The following PSME4 variants were observed in gnomAD, a reference collection of about 807,000 sequenced individuals.
The protein encoded by PSME4 is proteasome activator complex subunit 4.
In PSME4, 89 loss-of-function variants were observed where a neutral mutation model predicts 253.9. That is an observed-to-expected ratio of 0.35 (90% confidence interval 0.30 to 0.42). PSME4 has a LOEUF of 0.42. PSME4 is among the 10% of genes least tolerant of loss of function. PSME4 has a pLI of 1.00. For synonymous variants in PSME4, 851 were observed against 759.2 expected, an observed-to-expected ratio of 1.12 and a Z score of -1.99; for missense variants, 2,014 against 2,195.2, an observed-to-expected ratio of 0.92 and a Z score of 1.65.
chr2:53,936,800 A>C lies in PSME4; in HGVS notation c.723T>G (p.Leu241=). The change falls in exon 6 of 47, where the codon CTT becomes CTG. Residue 241 remains leucine (L), a synonymous_variant. Transcript: ENST00000404125. ...FKLWFDELIG[L]WVSVQNLPQW... is the part of the protein sequence containing the mutation. ...GTGGGAGATTTTGCACTGAAACCCA[A>C]AGGCCAATTAATTCATCAAACCAAA... is the stretch of plus-strand genomic sequence containing the variant. The C allele has an allele frequency of 6.3e-7, 1 of 1,598,250 alleles. No homozygotes were observed. The highest frequency in any genetic ancestry group is 8.5e-7 in the Non-Finnish European group (1 of 1,172,772).
At chr2:53,908,709 C>T (rs1667678531) in intron 22 of PSME4, 75 bp downstream of exon 22, 19 of 1,446,948 alleles carry the variant, frequency 1.3e-5, no homozygotes, top group South Asian at 3.7e-5. Flanking sequence ...TAAGTAAACA[C>T]ATGCATGTTA....
chr2:53,898,438 T>C (rs773160144), intron 29 of PSME4, 84 bp from the exon 30 acceptor site: 1 of 1,105,530 alleles, frequency 9.0e-7, no homozygotes, highest in Non-Finnish European at 1.3e-6. Flanking sequence ...TTCTAGCCAA[T>C]TTCACCCTCC....
intron 41 of PSME4, among the ~76,000 whole-genome samples, chr2:53,884,941 T>G (rs1049919361): frequency 1.3e-5 from 2 of 152,150 alleles, no homozygotes; most frequent in East Asian, 1.9e-4. Context: ...CTATAGCAAA[T>G]CAAAAGTTTA....
At chr2:53,933,501 T>C (rs1364447038) in intron 8 of PSME4, among the ~76,000 whole-genome samples, 3 of 151,054 alleles carry the variant, frequency 2.0e-5, no homozygotes, top group African/African-American at 7.4e-5. Flanking sequence ...CACCTCAGCC[T>C]GCTGAGGAGC....
intron 3 of PSME4, among the ~76,000 whole-genome samples, chr2:53,947,299 T>C (rs1201255516): frequency 6.6e-6 from 1 of 152,162 alleles, no homozygotes; most frequent in African/African-American, 2.4e-5. Flanking sequence ...CATAATGAAA[T>C]AATGTAGACA....
chr2:53,944,320 G>A (rs1669601615), intron 3 of PSME4, among the ~76,000 whole-genome samples: 2 of 152,012 alleles, frequency 1.3e-5, no homozygotes, highest in Non-Finnish European at 2.9e-5. Context: ...CATCACACCA[G>A]GCTAATTTTT....
rs562851472 is a variant in PSME4, at chr2:53,949,036, T to C, written c.383+107A>G. On this transcript the variant is annotated intron_variant, in intron 2 of 46. Coordinates refer to ENST00000404125, the MANE Select transcript of PSME4 (RefSeq NM_014614.3). ...ATGTTTTTTGCAATCATTTTCCAAA[T>C]TGGCAATTTGAGACTTGGTCTTCTT... 2,936 of 1,362,204 alleles carry C rather than the reference T, an allele frequency of 2.2e-3. 1 individual carries two copies. Among genetic ancestry groups the C allele is most frequent in the South Asian group, 4.4e-3 (232 of 52,850 alleles). The allele number at this position is 1,362,204 out of a possible 1,614,324, so 84.4% of individuals were successfully genotyped here. A position where few individuals can be genotyped will look rare whatever the true frequency, so the allele number is the denominator to read the frequency against.
chr2:53,922,613 A>T, intron 16 of PSME4, 29 bp from the exon 17 acceptor site: 1 of 1,602,642 alleles, frequency 6.2e-7, no homozygotes, highest in Non-Finnish European at 8.5e-7. Flanking sequence ...TATTAGGGGG[A>T]AAAACCTATG....
chr2:53,899,778 A>C, intron 29 of PSME4, 103 bp downstream of exon 29: 3 of 1,377,038 alleles, frequency 2.2e-6, no homozygotes, highest in South Asian at 1.4e-5. Context: ...TGATCGTCTC[A>C]CTGTACTCCA....
Position 53,970,526 on chromosome 2 carries a change from G to T in PSME4, c.242+17C>A. 1 of 1,547,054 alleles carries T rather than the reference G, an allele frequency of 6.5e-7. No individual in the cohort carries two copies. On this transcript the variant is annotated intron_variant, in intron 1 of 46. Coordinates refer to ENST00000404125, the MANE Select transcript of PSME4 (RefSeq NM_014614.3). ...GCCTTTCCCCCCGGCCCGGCCCGCAGGCCCGGGCACACTTACGTGGAGAGT... is the reference window on the plus strand; with the variant it reads ...GCCTTTCCCCCCGGCCCGGCCCGCATGCCCGGGCACACTTACGTGGAGAGT...
intron 2 of PSME4, 149 bp from the exon 3 acceptor site, chr2:53,948,686 A>G (rs1669836023): frequency 1.7e-6 from 1 of 598,434 alleles, no homozygotes; most frequent in Non-Finnish European, 3.0e-6. Context: ...AGCAGAACAT[A>G]GTATTAAGAA....
At chr2:53,913,679 T>C (rs1438991199) in intron 20 of PSME4, among the ~76,000 whole-genome samples, 3 of 152,190 alleles carry the variant, frequency 2.0e-5, no homozygotes, top group Non-Finnish European at 4.4e-5. Context: ...ATAATAACTA[T>C]AAACACAAAT....
chr2:53,918,490 C>T (rs974014288), intron 20 of PSME4, among the ~76,000 whole-genome samples: 20 of 152,032 alleles, frequency 1.3e-4, no homozygotes, highest in East Asian at 1.9e-4. Flanking sequence ...TACAGGTATG[C>T]GCCACCACGT....
At chr2:53,884,479 C>T (rs1679548025) in intron 41 of PSME4, among the ~76,000 whole-genome samples, 1 of 151,004 alleles carries the variant, frequency 6.6e-6, no homozygotes, top group Non-Finnish European at 1.5e-5. Flanking sequence ...AAAGTGCTGG[C>T]ATTACAGGTG....
intron 1 of PSME4, among the ~76,000 whole-genome samples, chr2:53,960,836 G>A (rs1253347148): frequency 5.3e-5 from 8 of 152,160 alleles, no homozygotes; most frequent in African/African-American, 1.7e-4. Flanking sequence ...GGCCAGGCGC[G>A]GTGGCTCATA....
chr2:53,949,124 C>A lies in PSME4; in HGVS notation c.383+19G>T. ...AGAAACAAACAAACCTTAACAGAAA[C>A]CTCTGGAAAAAGACTTACTTTAACA... On this transcript the variant is annotated intron_variant, in intron 2 of 46. Coordinates refer to ENST00000404125, the MANE Select transcript of PSME4 (RefSeq NM_014614.3). 6.4e-7 allele frequency: 1 copy of A among 1,571,376 alleles called. No individual in the cohort carries two copies. Among genetic ancestry groups the A allele is most frequent in the Admixed American group, 1.8e-5 (1 of 55,390 alleles).
intron 12 of PSME4, 49 bp downstream of exon 12, chr2:53,927,345 A>G (rs777738469): frequency 1.1e-5 from 14 of 1,304,896 alleles, no homozygotes; most frequent in Middle Eastern, 3.6e-4. Flanking sequence ...TGCATATGCA[A>G]TAATAATTAG....
chr2:53,895,901 CAG>C (rs2104430168), intron 32 of PSME4, among the ~76,000 whole-genome samples, 165 bp from the exon 33 acceptor site: 1 of 152,260 alleles, frequency 6.6e-6, no homozygotes, highest in East Asian at 1.9e-4. Flanking sequence ...CATTTCAAAA[CAG>C]AGTAGATGGC....
chr2:53,932,987 T>C (rs1349471399), intron 8 of PSME4: 5 of 452,412 alleles, frequency 1.1e-5, no homozygotes, highest in African/African-American at 9.7e-5. Flanking sequence ...TGAACCAACA[T>C]AAAAAACTAA....
Sources: allele counts gnomAD v4.1 joint callset (sites outside exome capture counted in the v4.1 genomes callset), GRCh38; gene constraint gnomAD v4.1.1; transcripts MANE v1.5; gene names NCBI Gene and HGNC (gene_info 2026-07-23, HGNC 2026-07-21).